ATXN10: variants seen among roughly 807,000 people sequenced by gnomAD.
ATXN10 encodes ataxin 10, also known as ataxin-10.
In ATXN10, 28 loss-of-function variants were observed where a neutral mutation model predicts 52.9. That is an observed-to-expected ratio of 0.53 (90% confidence interval 0.39 to 0.73). The LOEUF is 0.73. ATXN10 is among the 30% of genes least tolerant of loss of function. The pLI is 0.00. For synonymous variants in ATXN10, 226 were observed against 221.5 expected (o/e 1.02, Z -0.18); for missense variants, 565 against 577.0 (o/e 0.98, Z 0.21).
rs1202664001 is a variant in ATXN10 at position 45,701,957 on chromosome 22, A to G, written c.489-732A>G. ...TATTTTATTTTTTATACCAGAAAAC[A>G]TATTAAGAGAGGTTCTTTGCCTTCA... On this transcript the variant is annotated intron_variant, in intron 4 of 11. Transcript: ENST00000252934. The surrounding 1 kb of genome is among the most constrained non-coding windows in gnomAD (Gnocchi z 4.2). Among the ~76,000 whole-genome samples, 2 of 152,240 alleles carry G rather than the reference A, an allele frequency of 1.3e-5. No homozygotes were observed. Among genetic ancestry groups the G allele is most frequent in the Non-Finnish European group, 2.9e-5 (2 of 68,046 alleles).
chr22:45,736,246 C>A (rs2146797475), intron 7 of ATXN10, among the ~76,000 whole-genome samples: 1 of 152,270 alleles, frequency 6.6e-6, no homozygotes, highest in East Asian at 1.9e-4. Context: ...ATTCTTCTTT[C>A]CTCCACAGTT....
chr22:45,700,352 G>A lies in ATXN10; in HGVS notation c.462G>A (p.Trp154Ter). Residue 154 changes from tryptophan (W) to a stop codon, truncating the protein, a stop_gained, in exon 4 of 12, where the codon TGG (tryptophan) becomes TGA (stop). Coordinates refer to ENST00000252934, the MANE Select transcript of ATXN10 (RefSeq NM_013236.4). LOFTEE classifies it high-confidence loss of function. ...SRNEDSQSIV[W>*]VHAFPELFLS... is the part of the protein sequence containing the mutation. ...ATGAAGATTCCCAGTCTATTGTTTG[G>A]GTGCATGCTTTCCCAGAACTGTTTT... 1.2e-6 allele frequency: 2 copies of A among 1,613,888 alleles called. No homozygotes were observed. The highest frequency in any genetic ancestry group is 1.7e-6 in the Non-Finnish European group (2 of 1,179,904).
At position 45,757,055 on chromosome 22, in the gene ATXN10, G is replaced by T. The variant is rs1926198779; in HGVS notation, c.1173+16517G>T. 6.6e-6 allele frequency among the ~76,000 whole-genome samples: 1 copy of T among 152,136 alleles called. No homozygotes were observed. The highest frequency in any genetic ancestry group is 1.5e-5 in the Non-Finnish European group (1 of 68,030). ...ACGGTTCCAGATGCTTTCCCAAGTG[G>T]CTGTGCCCTCCTCCTATTTGCGGAG... On this transcript the variant is annotated intron_variant, in intron 9 of 11. Coordinates refer to ENST00000252934, the MANE Select transcript of ATXN10 (RefSeq NM_013236.4). This position sits in a 1 kb window ranked among gnomAD's most constrained non-coding sequence, Gnocchi z 4.6.
At chr22:45,829,497 A>G (rs1928921118) in intron 10 of ATXN10, among the ~76,000 whole-genome samples, 1 of 152,196 alleles carries the variant, frequency 6.6e-6, no homozygotes, top group African/African-American at 2.4e-5. Flanking sequence ...CCTCATACAC[A>G]AAAACCATTA....
rs1601622930 is a variant in ATXN10 at position 45,750,364 on chromosome 22, A to G, written c.1173+9826A>G. On this transcript the variant is annotated intron_variant, in intron 9 of 11. Transcript: ENST00000252934. The surrounding 1 kb of genome is among the most constrained non-coding windows in gnomAD (Gnocchi z 4.2). ...GTCCACCTTGGCCTCCCAAAGTGCT[A>G]GGATTACAGGTGTGAGTCACCACGC... Among the ~76,000 whole-genome samples the G allele has an allele frequency of 6.6e-6, 1 of 152,000 alleles. No homozygotes were observed. Among genetic ancestry groups the G allele is most frequent in the South Asian group, 2.1e-4 (1 of 4,812 alleles).
intron 2 of ATXN10, among the ~76,000 whole-genome samples, chr22:45,691,667 G>A (rs1342601346): frequency 6.6e-6 from 1 of 152,202 alleles, no homozygotes; most frequent in Admixed American, 6.5e-5. Flanking sequence ...AGGCCGAGGC[G>A]GGTGAATCAT....
chr22:45,803,093 TTGAG>T (rs1018596777), intron 9 of ATXN10, among the ~76,000 whole-genome samples: 6 of 152,228 alleles, frequency 3.9e-5, no homozygotes, highest in African/African-American at 7.2e-5. Context: ...GTGCTCTTTA[TTGAG>T]TATTTACTGT....
At chr22:45,773,333 T>A (rs1322584590) in intron 9 of ATXN10, among the ~76,000 whole-genome samples, 1 of 152,186 alleles carries the variant, frequency 6.6e-6, no homozygotes, top group African/African-American at 2.4e-5. Context: ...TTATTGCCAT[T>A]TTATGTCTCA....
At position 45,816,182 on chromosome 22, in the gene ATXN10, GGCGCAGGTTGTAGTGA is replaced by G. The variant is rs1352508307; in HGVS notation, c.1237+9163_1237+9178del. Among the ~76,000 whole-genome samples the G allele has an allele frequency of 6.6e-6, 1 of 152,194 alleles. No homozygotes were observed. The highest frequency in any genetic ancestry group is 1.5e-5 in the Non-Finnish European group (1 of 68,036). ...GCAGGAGAATCGCTTGAACCTGCAA[GGCGCAGGTTGTAGTGA>G]GCTGAGATTGTGTCATTGGCACGCC... On this transcript the variant is annotated intron_variant, in intron 10 of 11. Transcript: ENST00000252934. This position sits in a 1 kb window ranked among gnomAD's most constrained non-coding sequence, Gnocchi z 5.8.
Position 45,823,282 on chromosome 22 carries a change from T to G in ATXN10, c.1237+16260T>G. 2.2e-6 allele frequency: 1 copy of G among 462,818 alleles called. No individual in the cohort carries two copies. Among genetic ancestry groups the G allele is most frequent in the Admixed American group, 2.4e-5 (1 of 41,366 alleles). 28.7% of individuals were successfully genotyped at this position (462,818 alleles called of 1,614,324 possible). ...ATTCCCAATTTTAATGTAAAATTTATCAGTCTTTCCTTCTATGTTTAGTGA... is the reference window on the plus strand; with the variant it reads ...ATTCCCAATTTTAATGTAAAATTTAGCAGTCTTTCCTTCTATGTTTAGTGA... On this transcript the variant is annotated intron_variant, in intron 10 of 11. Coordinates refer to ENST00000252934, the MANE Select transcript of ATXN10 (RefSeq NM_013236.4). The surrounding 1 kb of genome is among the most constrained non-coding windows in gnomAD (Gnocchi z 4.9).
rs1926875367 is a variant in ATXN10 at position 45,774,271 on chromosome 22, C to G, written c.1174-32688C>G. 6.6e-6 allele frequency among the ~76,000 whole-genome samples: 1 copy of G among 152,204 alleles called. No individual in the cohort carries two copies. Among genetic ancestry groups the G allele is most frequent in the Non-Finnish European group, 1.5e-5 (1 of 68,044 alleles). On this transcript the variant is annotated intron_variant, in intron 9 of 11. Coordinates refer to ENST00000252934, the MANE Select transcript of ATXN10 (RefSeq NM_013236.4). The surrounding 1 kb of genome is among the most constrained non-coding windows in gnomAD (Gnocchi z 6.2). Reference sequence around the variant, plus strand: ...TAACTCTGTGACTGTTGACCATGGCCATCTGTCCAGTAGAGTGAGAGCAGG... The same window carrying G: ...TAACTCTGTGACTGTTGACCATGGCGATCTGTCCAGTAGAGTGAGAGCAGG...
chr22:45,812,575 A>G (rs1216210034), intron 10 of ATXN10, among the ~76,000 whole-genome samples: 1 of 152,214 alleles, frequency 6.6e-6, no homozygotes, highest in Non-Finnish European at 1.5e-5. Context: ...CATATTATTT[A>G]AAATTTGGTT....
intron 9 of ATXN10, among the ~76,000 whole-genome samples, chr22:45,749,674 A>C (rs766710246): frequency 6.6e-6 from 1 of 151,144 alleles, no homozygotes; most frequent in African/African-American, 2.4e-5. Context: ...CAGTTCTCCT[A>C]CCTCAGCCTC....
chr22:45,814,059 A>G (rs1046614658), intron 10 of ATXN10, among the ~76,000 whole-genome samples: 3 of 152,226 alleles, frequency 2.0e-5, no homozygotes, highest in Non-Finnish European at 4.4e-5. Context: ...AGAAATGTCA[A>G]TTCTAGTTGA....
chr22:45,675,884 C>T (rs1210411259), intron 1 of ATXN10: 2 of 152,154 alleles, frequency 1.3e-5, no homozygotes, highest in Non-Finnish European at 2.9e-5. Context: ...TGCTTATGGT[C>T]ATATAATATC....
chr22:45,778,564 C>T (rs1285794093), intron 9 of ATXN10, among the ~76,000 whole-genome samples: 3 of 152,110 alleles, frequency 2.0e-5, no homozygotes, highest in Non-Finnish European at 2.9e-5. Context: ...TATAAGTCCG[C>T]GTTTACTATT....
chr22:45,695,603 C>T (rs892111344), intron 3 of ATXN10, among the ~76,000 whole-genome samples: 6 of 151,354 alleles, frequency 4.0e-5, no homozygotes, highest in African/African-American at 1.2e-4. Flanking sequence ...AAGCGATTCT[C>T]CTGCCTCAGC....
intron 8 of ATXN10, among the ~76,000 whole-genome samples, chr22:45,739,585 A>G (rs1925430610): frequency 6.6e-6 from 1 of 152,208 alleles, no homozygotes. Flanking sequence ...TAAATAAAAC[A>G]CCACAAACCT....
rs565226642 is a variant in ATXN10 at position 45,705,536 on chromosome 22, C to G, written c.647+2689C>G. On this transcript the variant is annotated intron_variant, in intron 5 of 11. Coordinates refer to ENST00000252934, the MANE Select transcript of ATXN10 (RefSeq NM_013236.4). This position sits in a 1 kb window ranked among gnomAD's most constrained non-coding sequence, Gnocchi z 5.2. ...GCAACCTCCGCCTCTTGGGTTCAAG[C>G]AATTCTCTGCCTCAGTCTCCTGAAT... 2.6e-5 allele frequency among the ~76,000 whole-genome samples: 4 copies of G among 152,118 alleles called. No individual in the cohort carries two copies. In the East Asian group the frequency reaches 5.8e-4, roughly 22 times the overall value.
Sources: gnomAD v4.1 joint callset for allele counts (sites outside exome capture counted in the v4.1 genomes callset) on GRCh38, gnomAD v4.1.1 for gene constraint, Gnocchi (gnomAD v3.1) non-coding constraint, MANE v1.5 for transcripts, NCBI Gene and HGNC (gene_info 2026-07-23, HGNC 2026-07-21) for gene names.